The following CCDC178 variants were observed in gnomAD, a reference collection of about 807,000 sequenced individuals.
CCDC178 encodes the protein coiled-coil domain-containing protein 178.
In CCDC178, 126 loss-of-function variants were observed where a neutral mutation model predicts 117.4. The ratio of observed to expected loss-of-function variants is 1.07; its 90% CI spans 0.93 to 1.24. The LOEUF (loss-of-function observed/expected upper bound fraction) is 1.24. CCDC178 is among the 50% of genes most tolerant of loss of function. CCDC178 has a pLI of 0.00. For missense variants in CCDC178, 1,030 were observed against 986.9 expected, an observed-to-expected ratio of 1.04 and a Z score of -0.59; for synonymous variants, 283 against 313.4, an observed-to-expected ratio of 0.90 and a Z score of 1.02.
At chr18:33,301,263 T>C (rs902919969) in intron 11 of CCDC178, among the ~76,000 whole-genome samples, 4 of 152,142 alleles carry the variant, frequency 2.6e-5, no homozygotes, top group African/African-American at 9.7e-5. Context: ...TGAAGGAAGG[T>C]TGGAGGCTTT....
At chr18:33,146,523 G>C (rs1395174789) in intron 20 of CCDC178, among the ~76,000 whole-genome samples, 2 of 152,112 alleles carry the variant, frequency 1.3e-5, no homozygotes, top group Non-Finnish European at 2.9e-5. Context: ...AGCAGGATAT[G>C]GTGGCATATG....
rs1455319818 is a variant in CCDC178, at chr18:33,064,959, T to C, written c.2388+27802A>G. Among the ~76,000 whole-genome samples the C allele has an allele frequency of 2.0e-5, 3 of 149,586 alleles. No homozygotes were observed. The East Asian group carries it at 5.9e-4, about 29-fold the overall frequency. On this transcript the variant is annotated intron_variant, in intron 21 of 22. Coordinates refer to ENST00000383096, the MANE Select transcript of CCDC178 (RefSeq NM_001105528.4). ...ACGACATGGATTGAACTGGAGGACATCACATCAAGTGAATAAGCCATACAC... is the reference window on the plus strand; with the variant it reads ...ACGACATGGATTGAACTGGAGGACACCACATCAAGTGAATAAGCCATACAC...
intron 20 of CCDC178, among the ~76,000 whole-genome samples, chr18:33,200,019 A>C (rs552632884): frequency 3.9e-5 from 6 of 152,274 alleles, no homozygotes; most frequent in Non-Finnish European, 8.8e-5. Flanking sequence ...CCAAAGACTC[A>C]ACAAGTTCTG....
At chr18:33,440,955 G>C (rs1308413073), upstream of CCDC178, 1 of 152,318 alleles carries the variant, frequency 6.6e-6, no homozygotes, top group African/African-American at 2.4e-5. Flanking sequence ...CTTTACCGGA[G>C]AGGGAAGGAG....
chr18:33,225,255 C>T lies in CCDC178; in HGVS notation c.1657-319G>A, dbSNP rs887675771. ...TCTGTTCACTACAACCTCCACCTCC[C>T]GGGTATAAGCGATTCTTCTGCCTCA... On this transcript the variant is annotated intron_variant, in intron 16 of 22. Transcript: ENST00000383096. 2.1e-4 allele frequency among the ~76,000 whole-genome samples: 32 copies of T among 151,986 alleles called. 1 individual carries two copies. The South Asian group carries it at 3.7e-3, about 18-fold the overall frequency.
chr18:33,073,752 A>G (rs187211297), intron 21 of CCDC178, among the ~76,000 whole-genome samples: 28 of 152,278 alleles, frequency 1.8e-4, no homozygotes, highest in Non-Finnish European at 3.7e-4. Context: ...GCTCTCTTGT[A>G]TTGAGCATAC....
chr18:33,278,873 G>C (rs147916223), intron 12 of CCDC178, among the ~76,000 whole-genome samples: 3,099 of 152,234 alleles, frequency 0.02, 63 homozygotes, highest in Middle Eastern at 0.051. Context: ...TATCTCAATA[G>C]ATGCAGAAAA....
chr18:32,993,977 G>A (rs954004929), intron 21 of CCDC178, among the ~76,000 whole-genome samples: 13 of 151,900 alleles, frequency 8.6e-5, no homozygotes, highest in African/African-American at 3.1e-4. Flanking sequence ...GTCCTGTGTT[G>A]CAACAGAGAT....
chr18:33,231,946 C>CTA (rs1568074827), intron 15 of CCDC178, among the ~76,000 whole-genome samples: 1 of 152,172 alleles, frequency 6.6e-6, no homozygotes, highest in East Asian at 1.9e-4. Flanking sequence ...CCTACATTTG[C>CTA]TATTCCTGTG....
intron 11 of CCDC178, among the ~76,000 whole-genome samples, chr18:33,299,099 T>C (rs754272387): frequency 2.1e-4 from 32 of 152,112 alleles, no homozygotes; most frequent in Admixed American, 1.0e-3. Context: ...ACAGTATTCA[T>C]AGAAATTTTT....
intron 21 of CCDC178, among the ~76,000 whole-genome samples, chr18:33,058,071 A>G (rs1231844170): frequency 1.4e-5 from 2 of 147,498 alleles, no homozygotes; most frequent in Non-Finnish European, 3.0e-5. Context: ...TGGTACTGCC[A>G]CTTTGGAAAA....
chr18:33,228,073 T>A (rs1157171732), intron 15 of CCDC178, among the ~76,000 whole-genome samples: 1 of 152,174 alleles, frequency 6.6e-6, no homozygotes, highest in Admixed American at 6.5e-5. Context: ...TGAAACTAAT[T>A]GAAAAATGTG....
chr18:33,007,330 A>T (rs1041876824), intron 21 of CCDC178, among the ~76,000 whole-genome samples: 4 of 152,140 alleles, frequency 2.6e-5, no homozygotes, highest in Non-Finnish European at 4.4e-5. Context: ...TATACTATAA[A>T]CAATATATGC....
intron 5 of CCDC178, among the ~76,000 whole-genome samples, chr18:33,379,420 C>T (rs905083601): frequency 6.6e-6 from 1 of 151,874 alleles, no homozygotes; most frequent in Non-Finnish European, 1.5e-5. Context: ...TGGGTATACA[C>T]TTGATTCTTG....
At chr18:32,973,540 C>A (rs886348431) in intron 22 of CCDC178, among the ~76,000 whole-genome samples, 3 of 151,872 alleles carry the variant, frequency 2.0e-5, no homozygotes, top group Non-Finnish European at 4.4e-5. Context: ...TTTCTTATAA[C>A]CCACTGTCAA....
chr18:33,224,903 G>A lies in CCDC178; in HGVS notation c.1690C>T (p.Leu564Phe). 1.3e-6 allele frequency: 2 copies of A among 1,535,062 alleles called. No homozygotes were observed. Among genetic ancestry groups the A allele is most frequent in the Non-Finnish European group, 8.8e-7 (1 of 1,141,238 alleles). The change falls in exon 17 of 23, where the codon CTT (leucine) becomes TTT (phenylalanine). Residue 564 changes from leucine to phenylalanine, a missense_variant. Physicochemically the swap from Leu to Phe is conservative, Grantham distance 22. Coordinates refer to ENST00000383096, the MANE Select transcript of CCDC178 (RefSeq NM_001105528.4). ...KLYSIYEVQA[L>F]ERKELIKNRA... ...TTTTTTATAAGCTCTTTCCGCTCAAGTGCCTGGACTTCGTAAATGGAATAT... is the reference window on the plus strand; with the variant it reads ...TTTTTTATAAGCTCTTTCCGCTCAAATGCCTGGACTTCGTAAATGGAATAT...
chr18:33,010,981 A>G (rs543346233), intron 21 of CCDC178, among the ~76,000 whole-genome samples: 1 of 152,264 alleles, frequency 6.6e-6, no homozygotes, highest in Non-Finnish European at 1.5e-5. Context: ...TGAATTAGAG[A>G]ACAGCTATTC....
chr18:33,278,966 G>A (rs2059987702), intron 12 of CCDC178, among the ~76,000 whole-genome samples: 1 of 151,976 alleles, frequency 6.6e-6, no homozygotes, highest in Non-Finnish European at 1.5e-5. Flanking sequence ...AAAATAATAA[G>A]AGCTATCTAT....
chr18:33,397,243 T>G lies in CCDC178; in HGVS notation c.59-35A>C. 2.1e-6 allele frequency: 3 copies of G among 1,420,900 alleles called. No individual in the cohort carries two copies. In the Admixed American group the frequency reaches 5.4e-5, roughly 26 times the overall value. The allele number at this position is 1,420,900 out of a possible 1,614,324, so 88.0% of individuals were successfully genotyped here. ...GTAAAATAAAACAAAATAAAATATC[T>G]GCTTCCTGAGTCAAATATTCTGCCC... On this transcript the variant is annotated intron_variant, in intron 3 of 22. Transcript: ENST00000383096.
Sources: allele counts gnomAD v4.1 joint callset (sites outside exome capture counted in the v4.1 genomes callset), GRCh38; gene constraint gnomAD v4.1.1; transcripts MANE v1.5; gene names NCBI Gene and HGNC (gene_info 2026-07-23, HGNC 2026-07-21).